The following KCNMA1 variants were observed in gnomAD, a reference collection of about 807,000 sequenced individuals.
The protein encoded by KCNMA1 is potassium calcium-activated channel subfamily M alpha 1, also known as Calcium-activated potassium channel subunit alpha-1.
KCNMA1 carries 29 observed loss-of-function variants against 140.0 expected under a neutral mutation model. That is an observed-to-expected ratio of 0.21 (90% CI 0.15 to 0.28). KCNMA1 has a LOEUF of 0.28. KCNMA1 is among the 10% of genes least tolerant of loss of function. The pLI, the probability that KCNMA1 is intolerant of heterozygous loss-of-function variation, is 1.00. For missense variants in KCNMA1, 880 were observed against 1,602.2 expected, an observed-to-expected ratio of 0.55 and a Z score of 7.70; for synonymous variants, 612 against 611.9, an observed-to-expected ratio of 1.00 and a Z score of 0.00.
chr10:77,268,469 A>G (rs1474671149), intron 2 of KCNMA1, among the ~76,000 whole-genome samples: 1 of 152,132 alleles, frequency 6.6e-6, no homozygotes, highest in Admixed American at 6.5e-5. Context: ...GGCATTGAAC[A>G]TGATTAATAA....
At chr10:77,206,998 C>T (rs1433501744) in intron 3 of KCNMA1, among the ~76,000 whole-genome samples, 1 of 152,126 alleles carries the variant, frequency 6.6e-6, no homozygotes, top group Non-Finnish European at 1.5e-5. Flanking sequence ...CATTCCAACA[C>T]AAGGAGTTCC....
intron 16 of KCNMA1, chr10:77,020,870 G>A (rs902704961): frequency 4.6e-5 from 7 of 152,072 alleles, no homozygotes; most frequent in Non-Finnish European, 7.4e-5. Flanking sequence ...ATAGCTGTTT[G>A]ACTTTGGGCC....
intron 23 of KCNMA1, among the ~76,000 whole-genome samples, chr10:76,917,871 T>C (rs891795988): frequency 1.3e-5 from 2 of 152,198 alleles, no homozygotes; most frequent in African/African-American, 4.8e-5. Flanking sequence ...GGGAAAATTA[T>C]GGTCAGAAAC....
At chr10:76,941,081 GAAAGAGAA>G (rs1337129762) in intron 23 of KCNMA1, among the ~76,000 whole-genome samples, 1 of 118,914 alleles carries the variant, frequency 8.4e-6, no homozygotes, top group African/African-American at 3.9e-5. Context: ...AAGAAAGAAA[GAAAGAGAA>G]AGAAAGAAAG....
chr10:76,886,167 G>A lies in KCNMA1; in HGVS notation c.*1099C>T, dbSNP rs555570262. The A allele has an allele frequency of 1.0e-6, 1 of 985,332 alleles. No individual in the cohort carries two copies. The highest frequency in any genetic ancestry group is 4.7e-5 in the South Asian group (1 of 21,282). The allele number at this position is 985,332 out of a possible 1,614,324, so 61.0% of individuals were successfully genotyped here. A position where few individuals can be genotyped will look rare whatever the true frequency, so the allele number is the denominator to read the frequency against. On this transcript the variant is annotated 3_prime_UTR_variant, in exon 28 of 28. Transcript: ENST00000286628. The stretch of plus-strand genomic sequence containing the variant: ...CCTAGAAAAGCATGATCTGCAGCTG[G>A]GTTTGTCTTCCTCTCACTCTACCAT...
intron 3 of KCNMA1, among the ~76,000 whole-genome samples, chr10:77,225,964 C>T (rs2051240877): frequency 6.6e-6 from 1 of 152,170 alleles, no homozygotes; most frequent in Non-Finnish European, 1.5e-5. Context: ...CCGTCAATGC[C>T]CTGGGGGCCC....
intron 2 of KCNMA1, among the ~76,000 whole-genome samples, chr10:77,256,650 G>C (rs1168913204): frequency 6.6e-6 from 1 of 152,102 alleles, no homozygotes; most frequent in Non-Finnish European, 1.5e-5. Flanking sequence ...CTCCTGAGCA[G>C]GTTTTACACA....
chr10:77,409,570 C>T (rs2096572547), intron 1 of KCNMA1, among the ~76,000 whole-genome samples: 1 of 152,222 alleles, frequency 6.6e-6, no homozygotes, highest in Non-Finnish European at 1.5e-5. Flanking sequence ...GAAGGCTCCA[C>T]CTAGCCTGGT....
rs145711373 is a variant in KCNMA1 at position 77,563,690 on chromosome 10, G to A, written c.378+73575C>T. 7.0e-4 allele frequency among the ~76,000 whole-genome samples: 107 copies of A among 152,242 alleles called. No homozygotes were observed. The East Asian group carries it at 0.019, about 26-fold the overall frequency. On this transcript the variant is annotated intron_variant, in intron 1 of 27. Transcript: ENST00000286628. ...CCCCATGTACCTCCCTGGTTCCAAC[G>A]AACCTCCGGAATTCTAGCCACAGAT...
intron 19 of KCNMA1, chr10:76,979,897 T>C (rs1385257198): frequency 7.2e-5 from 11 of 152,158 alleles, no homozygotes; most frequent in Admixed American, 7.2e-4. Flanking sequence ...AGAAATACAG[T>C]ATGCTTTTAA....
chr10:77,365,640 C>A (rs2094301249), intron 2 of KCNMA1, among the ~76,000 whole-genome samples: 1 of 152,202 alleles, frequency 6.6e-6, no homozygotes, highest in East Asian at 1.9e-4. Flanking sequence ...TTTGTTTCCT[C>A]TTTTCTTCCT....
intron 5 of KCNMA1, among the ~76,000 whole-genome samples, chr10:77,143,613 A>G (rs1361033749): frequency 6.6e-6 from 1 of 152,230 alleles, no homozygotes; most frequent in African/African-American, 2.4e-5. Flanking sequence ...ACTGACTTCA[A>G]TGTAAAAGCT....
Position 76,915,048 on chromosome 10 carries a change from C to A in KCNMA1, c.2904G>T (p.Gly968=). Residue 968 remains glycine (G), a splice_region_variant and synonymous_variant, in exon 24 of 28, where the codon GGG becomes GGT. Transcript: ENST00000286628. ...SIGVLQANSQ[G]FTPPGMDRSS... ...ATCTATCCATTCCTGGAGGTGTGAA[C>A]CCTAGTGGGAAGGAAACAGAGGAGG... The A allele has an allele frequency of 6.2e-7, 1 of 1,608,422 alleles. No individual in the cohort carries two copies. The highest frequency in any genetic ancestry group is 8.5e-7 in the Non-Finnish European group (1 of 1,175,178).
rs1451771586 is a variant in KCNMA1 at position 76,910,047 on chromosome 10, A to C, written c.3066T>G (p.Pro1022=). 1 of 1,614,066 alleles carries C rather than the reference A, an allele frequency of 6.2e-7. No homozygotes were observed. Among genetic ancestry groups the C allele is most frequent in the South Asian group, 1.1e-5 (1 of 91,082 alleles). Residue 1022 remains proline (P), a synonymous_variant, in exon 25 of 28, where the codon CCT becomes CCG. Coordinates refer to ENST00000286628, the MANE Select transcript of KCNMA1 (RefSeq NM_001161352.2). Reference sequence around the variant, plus strand: ...GCTGCGTGAGGTACAGTTCTGTATCAGGGTCATCATCATCGTCTTGGTCCA... The same window carrying C: ...GCTGCGTGAGGTACAGTTCTGTATCCGGGTCATCATCATCGTCTTGGTCCA... ...QFLDQDDDDD[P]DTELYLTQPF...
At position 77,527,481 on chromosome 10, in the gene KCNMA1, G is replaced by A. The variant is rs898255153; in HGVS notation, c.378+109784C>T. On this transcript the variant is annotated intron_variant, in intron 1 of 27. Transcript: ENST00000286628. ...GGGAAGAAGGCACTCTCAGACATTA[G>A]AGCCAGAGCCAACTCAGGGTCACTT... 7.2e-5 allele frequency among the ~76,000 whole-genome samples: 11 copies of A among 152,176 alleles called. No homozygotes were observed. In the South Asian group the frequency reaches 2.1e-3, roughly 29 times the overall value.
At chr10:76,995,217 C>A in intron 19 of KCNMA1, 1 of 162,570 alleles carries the variant, frequency 6.2e-6, no homozygotes, top group Non-Finnish European at 1.4e-5. Flanking sequence ...AAATTAAATG[C>A]AACTTCGACT....
chr10:77,331,934 C>T (rs1006023844), intron 2 of KCNMA1, among the ~76,000 whole-genome samples: 1 of 152,130 alleles, frequency 6.6e-6, no homozygotes, highest in Non-Finnish European at 1.5e-5. Flanking sequence ...GTTACCCAAG[C>T]TGCTACTTCC....
In KCNMA1 at chr10:77,307,677, GC is replaced by G. The variant is rs2078146014; in HGVS notation, c.541-56422del. Among the ~76,000 whole-genome samples, 4 of 152,234 alleles carry G rather than the reference GC, an allele frequency of 2.6e-5. No homozygotes were observed. The South Asian group carries it at 8.3e-4, about 32-fold the overall frequency. ...TTCTCCTGCCTCAGCCTCCCAAGTA[GC>G]TGGGACTACAGGCGCGCACCACCAC... On this transcript the variant is annotated intron_variant, in intron 2 of 27. Transcript: ENST00000286628.
chr10:77,222,753 G>T (rs1006630245), intron 3 of KCNMA1, among the ~76,000 whole-genome samples: 1 of 152,196 alleles, frequency 6.6e-6, no homozygotes, highest in Non-Finnish European at 1.5e-5. Flanking sequence ...TATTTCTCAT[G>T]GCAAGGTTGC....
Sources: allele counts gnomAD v4.1 joint callset (sites outside exome capture counted in the v4.1 genomes callset), GRCh38; gene constraint gnomAD v4.1.1; transcripts MANE v1.5; gene names NCBI Gene and HGNC (gene_info 2026-07-23, HGNC 2026-07-21).